The following RTKN variants were observed in gnomAD, a reference collection of about 807,000 sequenced individuals.
RTKN encodes the protein rhotekin.
A neutral mutation model predicts 63.5 loss-of-function variants in RTKN; 49 were observed. The observed-to-expected ratio is 0.77, with a 90% confidence interval of 0.61 to 0.98. The LOEUF (loss-of-function observed/expected upper bound fraction) is 0.98. Among genes scored for constraint, RTKN ranks in the 50% least tolerant of loss-of-function variants. The pLI is 0.00. For synonymous variants in RTKN, 295 were observed against 290.4 expected, an observed-to-expected ratio of 1.02 and a Z score of -0.16; for missense variants, 685 against 740.8, an observed-to-expected ratio of 0.92 and a Z score of 0.87.
At chr2:74,441,648 T>G in intron 1 of RTKN, 58 bp downstream of exon 1, 1 of 1,280,880 alleles carries the variant, frequency 7.8e-7, no homozygotes, top group Non-Finnish European at 1.1e-6. Flanking sequence ...GAGGCCGAGG[T>G]GGCTGGGGCT....
intron 11 of RTKN, 131 bp from the exon 12 acceptor site, chr2:74,426,705 T>A: frequency 7.1e-7 from 1 of 1,401,574 alleles, no homozygotes; most frequent in Non-Finnish European, 9.2e-7. Context: ...GATTGCGTTA[T>A]CCTGCAGGAG....
intron 1 of RTKN, among the ~76,000 whole-genome samples, chr2:74,434,905 A>G (rs1157857243): frequency 1.3e-5 from 2 of 152,178 alleles, no homozygotes; most frequent in Non-Finnish European, 2.9e-5. Context: ...CAGGTTGAGA[A>G]CCACCAACTC....
intron 1 of RTKN, among the ~76,000 whole-genome samples, chr2:74,441,377 C>G (rs940588761): frequency 1.3e-5 from 2 of 152,204 alleles, no homozygotes; most frequent in Non-Finnish European, 2.9e-5. Context: ...CCTAGCTGCC[C>G]ACCGCCCTTG....
chr2:74,427,198 G>T lies in RTKN; in HGVS notation c.1331C>A (p.Ala444Glu). The stretch of plus-strand genomic sequence containing the variant: ...CTCATGGTACAAGGACCCCTGCTTT[G>T]CCAGTGCTTGGGGTGGTTTCCGGGG... ...PAPRKPPQAL[A>E]KQGSLYHEMA... Residue 444 changes from alanine to glutamate, a missense_variant, in exon 11 of 12, where the codon GCA becomes GAA. By Grantham distance (107) the Ala-to-Glu change is moderately radical. Coordinates refer to ENST00000272430, the MANE Select transcript of RTKN (RefSeq NM_001015055.2). The T allele has an allele frequency of 6.2e-7, 1 of 1,614,030 alleles. No homozygotes were observed. Among genetic ancestry groups the T allele is most frequent in the Non-Finnish European group, 8.5e-7 (1 of 1,179,940 alleles).
Position 74,432,331 on chromosome 2 carries a change from C to T in RTKN, c.311+136G>A. ...CACAGTGGTGGTAAAACACCAAGGT[C>T]TCTCCCAGGTCCCTGATAAGACTTC... On this transcript the variant is annotated intron_variant, in intron 2 of 11. Coordinates refer to ENST00000272430, the MANE Select transcript of RTKN (RefSeq NM_001015055.2). 4.5e-6 allele frequency: 4 copies of T among 883,956 alleles called. No homozygotes were observed. In the Admixed American group the frequency reaches 6.9e-5, roughly 15 times the overall value. The allele number at this position is 883,956 out of a possible 1,614,324, so 54.8% of individuals were successfully genotyped here.
rs1670674097 is a variant in RTKN, at chr2:74,430,310, C to G, written c.487G>C (p.Glu163Gln). The change falls in exon 5 of 12, where the codon GAG becomes CAG. Residue 163 changes from glutamate to glutamine, a missense_variant. Coordinates refer to ENST00000272430, the MANE Select transcript of RTKN (RefSeq NM_001015055.2). ...AGGGTCCTGTCCACTAGGATCATCT[C>G]TGTGTCCTGGATGTGTTCCCCCAGC... ...LQLGEHIQDTEMILVDRTLTD... is the reference protein window; with the variant it reads ...LQLGEHIQDTQMILVDRTLTD... 1 of 1,614,092 alleles carries G rather than the reference C, an allele frequency of 6.2e-7. No homozygotes were observed.
chr2:74,434,556 A>C (rs1352664978), intron 1 of RTKN, among the ~76,000 whole-genome samples: 1 of 152,122 alleles, frequency 6.6e-6, no homozygotes, highest in Non-Finnish European at 1.5e-5. Flanking sequence ...CTGGGATTGC[A>C]GGTGTGAGAC....
intron 1 of RTKN, among the ~76,000 whole-genome samples, chr2:74,434,126 C>T (rs1467353801): frequency 2.0e-5 from 3 of 151,228 alleles, no homozygotes; most frequent in East Asian, 1.9e-4. Flanking sequence ...TTTTTGAGAC[C>T]GAGTCTCACT....
chr2:74,429,785 G>C (rs1471486454), intron 6 of RTKN, 43 bp downstream of exon 6: 4 of 1,573,806 alleles, frequency 2.5e-6, no homozygotes, highest in East Asian at 4.5e-5. Flanking sequence ...CCTGTGGGCA[G>C]AATACAGGCA....
Position 74,427,187 on chromosome 2 carries a change from A to G in RTKN, c.1342T>C (p.Ser448Pro). 6.2e-7 allele frequency: 1 copy of G among 1,613,904 alleles called. No homozygotes were observed. Among genetic ancestry groups the G allele is most frequent in the Non-Finnish European group, 8.5e-7 (1 of 1,179,940 alleles). Residue 448 changes from serine to proline, a missense_variant, in exon 11 of 12, where the codon TCC (serine) becomes CCC (proline). Transcript: ENST00000272430. ...CACTTACCCATCTCATGGTACAAGGACCCCTGCTTTGCCAGTGCTTGGGGT... is the reference window on the plus strand; with the variant it reads ...CACTTACCCATCTCATGGTACAAGGGCCCCTGCTTTGCCAGTGCTTGGGGT... ...KPPQALAKQG[S>P]LYHEMAIEPL...
rs1670505109 is a variant in RTKN at position 74,427,968 on chromosome 2, G to A, written c.1086+300C>T. 8 of 510,390 alleles carry A rather than the reference G, an allele frequency of 1.6e-5. 1 individual carries two copies. The South Asian group carries it at 2.0e-4, about 13-fold the overall frequency. 31.6% of individuals were successfully genotyped at this position (510,390 alleles called of 1,614,324 possible). On this transcript the variant is annotated intron_variant, in intron 9 of 11. Transcript: ENST00000272430. ...CTGGAGAGAAATGGGAAGTGGTAAA[G>A]TAGATATAAATTGGAATCTGAGGGA...
In RTKN at chr2:74,426,555, GT is replaced by G; in HGVS notation, c.1379del (p.Asp460AlafsTer5). The G allele has an allele frequency of 6.5e-7, 1 of 1,533,130 alleles. No individual in the cohort carries two copies. Among genetic ancestry groups the G allele is most frequent in the Non-Finnish European group, 8.8e-7 (1 of 1,137,762 alleles). 95.0% of individuals were successfully genotyped at this position (1,533,130 alleles called of 1,614,324 possible). A position where few individuals can be genotyped will look rare whatever the true frequency, so the allele number is the denominator to read the frequency against. On this transcript the variant is annotated frameshift_variant, in exon 12 of 12. Transcript: ENST00000272430. LOFTEE classifies it high-confidence loss of function. ...TCAGGATGTCTGTCACCGCTGCGAT[GT>G]CATCCAGCGGCTCAATAGCTGTGGC... ...YHEMAIEPLD[D>X]IAAVTDILTQ...
At chr2:74,430,880 T>C in intron 2 of RTKN, 1 of 589,696 alleles carries the variant, frequency 1.7e-6, no homozygotes, top group Non-Finnish European at 3.0e-6. Context: ...CCAGGGACAC[T>C]CAAGCCACAT....
In RTKN at chr2:74,427,286, C is replaced by T. The variant is rs758668222; in HGVS notation, c.1256-13G>A. The T allele has an allele frequency of 1.5e-5, 25 of 1,613,298 alleles. No homozygotes were observed. In the Middle Eastern group the frequency reaches 8.3e-4, roughly 53 times the overall value. On this transcript the variant is annotated splice_polypyrimidine_tract_variant and intron_variant, in intron 10 of 11. Transcript: ENST00000272430. ...TGCTTCCATTGGCCTGGAAGAAGAG[C>T]GCTGATTAAAAGAGAGAGCCAGGCT...
At chr2:74,429,721 A>G in intron 6 of RTKN, 107 bp downstream of exon 6, 1 of 1,067,366 alleles carries the variant, frequency 9.4e-7, no homozygotes, top group East Asian at 2.5e-5. Flanking sequence ...CTGTCTGCAC[A>G]TCCTGGCAGC....
Position 74,432,434 on chromosome 2 carries a change from C to T in RTKN, c.311+33G>A. On this transcript the variant is annotated intron_variant, in intron 2 of 11. Coordinates refer to ENST00000272430, the MANE Select transcript of RTKN (RefSeq NM_001015055.2). ...CCACCACCACCCAGAAGGCCTCCTG[C>T]CTCCATCGAGGCCTCGTCTCCCCCT... 5 of 1,593,982 alleles carry T rather than the reference C, an allele frequency of 3.1e-6. No individual in the cohort carries two copies. In the South Asian group the frequency reaches 4.4e-5, roughly 14 times the overall value.
chr2:74,426,407 G>A lies in RTKN; in HGVS notation c.1528C>T (p.Pro510Ser), dbSNP rs1461999492. The A allele has an allele frequency of 1.2e-6, 2 of 1,612,108 alleles. No homozygotes were observed. Among genetic ancestry groups the A allele is most frequent in the African/African-American group, 1.3e-5 (1 of 75,032 alleles). The change falls in exon 12 of 12, where the codon CCC becomes TCC. Residue 510 changes from proline (P) to serine (S), a missense_variant. Coordinates refer to ENST00000272430, the MANE Select transcript of RTKN (RefSeq NM_001015055.2). ...SVAPAPDWTH[P>S]LPWGRPRTFS... is the part of the protein sequence containing the mutation. ...GTTCGGGGTCTCCCCCAGGGCAGGG[G>A]GTGGGTCCAGTCTGGGGCTGGGGCC...
At position 74,426,365 on chromosome 2, in the gene RTKN, C is replaced by T. The variant is rs2103868588; in HGVS notation, c.1570G>A (p.Val524Ile). The part of the protein sequence containing the change: ...GRPRTFSLDA[V>I]PPDHSPRARS... ...GCCCTAGGGGAGTGGTCTGGGGGGA[C>T]AGCATCCAGGGAAAAGGTTCGGGGT... Residue 524 changes from valine (V) to isoleucine (I), a missense_variant, in exon 12 of 12, where the codon GTC becomes ATC. By Grantham distance (29) the Val-to-Ile change is conservative. Coordinates refer to ENST00000272430, the MANE Select transcript of RTKN (RefSeq NM_001015055.2). 6.2e-7 allele frequency: 1 copy of T among 1,611,134 alleles called. No individual in the cohort carries two copies. The highest frequency in any genetic ancestry group is 8.5e-7 in the Non-Finnish European group (1 of 1,178,208).
intron 5 of RTKN, 88 bp from the exon 6 acceptor site, chr2:74,430,125 T>G (rs1670662673): frequency 6.5e-7 from 1 of 1,535,180 alleles, no homozygotes; most frequent in Non-Finnish European, 9.0e-7. Flanking sequence ...GCAGGACAGC[T>G]CCACAGAGAA....
Sources: allele counts gnomAD v4.1 joint callset (sites outside exome capture counted in the v4.1 genomes callset), GRCh38; gene constraint gnomAD v4.1.1; transcripts MANE v1.5; gene names NCBI Gene and HGNC (gene_info 2026-07-23, HGNC 2026-07-21).